ADCK5: variants seen among roughly 807,000 people sequenced by gnomAD.
The protein encoded by ADCK5 is aarF domain containing kinase 5.
Under a neutral mutation model 64.9 loss-of-function variants are expected in ADCK5, and 43 were observed. The ratio of observed to expected loss-of-function variants is 0.66; its 90% CI spans 0.52 to 0.85. ADCK5 has a LOEUF of 0.85. ADCK5 is among the 40% of genes least tolerant of loss of function. ADCK5 has a pLI of 0.00. For missense variants in ADCK5, 760 were observed against 810.5 expected (o/e 0.94, Z 0.76); for synonymous variants, 434 against 342.8 (o/e 1.27, Z -2.94).
chr8:144,375,931 C>T (rs1344063388), intron 1 of ADCK5, among the ~76,000 whole-genome samples: 2 of 152,154 alleles, frequency 1.3e-5, no homozygotes, highest in East Asian at 1.9e-4. Context: ...GTTTAGAGGT[C>T]GTGTTCTGGG....
intron 3 of ADCK5, among the ~76,000 whole-genome samples, 192 bp downstream of exon 3, chr8:144,383,422 T>C (rs1819769788): frequency 6.6e-6 from 1 of 152,130 alleles, no homozygotes; most frequent in African/African-American, 2.4e-5. Context: ...GAAGGGACAG[T>C]GAGCACTGGC....
At chr8:144,383,711 C>T (rs1819783081) in intron 3 of ADCK5, among the ~76,000 whole-genome samples, 1 of 152,158 alleles carries the variant, frequency 6.6e-6, no homozygotes, top group Non-Finnish European at 1.5e-5. Context: ...TTTCTTCCTC[C>T]ATTACCTTAC....
In ADCK5 at chr8:144,378,453, G is replaced by GCT. The variant is rs140097343; in HGVS notation, c.13-920_13-919dup. Among the ~76,000 whole-genome samples, 1,372 of 151,002 alleles carry GCT rather than the reference G, an allele frequency of 9.1e-3. 20 individuals are homozygous for GCT. The highest frequency in any genetic ancestry group is 0.032 in the African/African-American group (1,312 of 41,118). ...CACTTTCCCCTTTGCCCTCTCGCTT[G>GCT]CTCTCTCTCTCTCTCCGCCCCCCCC... On this transcript the variant is annotated intron_variant, in intron 1 of 14. Transcript: ENST00000308860.
intron 2 of ADCK5, among the ~76,000 whole-genome samples, chr8:144,381,366 G>T (rs587709717): frequency 2.0e-5 from 3 of 146,890 alleles, no homozygotes; most frequent in African/African-American, 7.6e-5. Context: ...CAGAATTATG[G>T]GCCGGGTGTA....
Position 144,393,096 on chromosome 8 carries a change from C to G in ADCK5, c.*22C>G. 6.5e-7 allele frequency: 1 copy of G among 1,527,932 alleles called. No homozygotes were observed. The allele number at this position is 1,527,932 out of a possible 1,614,324, so 94.6% of individuals were successfully genotyped here. A position where few individuals can be genotyped will look rare whatever the true frequency, so the allele number is the denominator to read the frequency against. On this transcript the variant is annotated 3_prime_UTR_variant, in exon 15 of 15. Transcript: ENST00000308860. Reference sequence around the variant, plus strand: ...CTAGGGTGCAGCCGCCCAGGGCCGGCGGGGCCCTTTTCACCTTGGGCTGAC... The same window carrying G: ...CTAGGGTGCAGCCGCCCAGGGCCGGGGGGGCCCTTTTCACCTTGGGCTGAC...
At chr8:144,390,552 C>A in intron 3 of ADCK5, 119 bp from the exon 4 acceptor site, 1 of 1,114,148 alleles carries the variant, frequency 9.0e-7, no homozygotes, top group Non-Finnish European at 1.3e-6. Flanking sequence ...CTTGGCCTCA[C>A]CCTTGGGACA....
Position 144,391,840 on chromosome 8 carries a change from A to G in ADCK5, c.988A>G (p.Arg330Gly), listed in dbSNP as rs1159606161. ...CAAGGTCAACGATGTGGAGGCCATC[A>G]GGAGCCAGGGGCTGGCAGTGCATGA... Reference protein sequence around the residue: ...GCKVNDVEAIRSQGLAVHDIA... With the variant: ...GCKVNDVEAIGSQGLAVHDIA... The change falls in exon 9 of 15, where the codon AGG (arginine) becomes GGG (glycine). Residue 330 changes from arginine to glycine, a missense_variant. By Grantham distance (125) the Arg-to-Gly change is moderately radical. Transcript: ENST00000308860. 7 of 1,300,216 alleles carry G rather than the reference A, an allele frequency of 5.4e-6. No individual in the cohort carries two copies. In the African/African-American group the frequency reaches 5.4e-5, roughly 10 times the overall value. The allele number at this position is 1,300,216 out of a possible 1,614,324, so 80.5% of individuals were successfully genotyped here. A position where few individuals can be genotyped will look rare whatever the true frequency, so the allele number is the denominator to read the frequency against.
rs111734380 is a variant in ADCK5, at chr8:144,388,356, CAAAAA to C, written c.267-2303_267-2299del. Among the ~76,000 whole-genome samples, 91 of 84,882 alleles carry C rather than the reference CAAAAA, an allele frequency of 1.1e-3. No individual in the cohort carries two copies. The South Asian group carries it at 0.015, about 14-fold the overall frequency. 55.7% of individuals were successfully genotyped at this position (84,882 alleles called of 152,430 possible). ...TGGGCGACAGAGCGAGATTCCATCTCAAAAAAAAAAAAAAAATTAAATTCCTTCTC... is the reference window on the plus strand; with the variant it reads ...TGGGCGACAGAGCGAGATTCCATCTCAAAAAAAAAAATTAAATTCCTTCTC... On this transcript the variant is annotated intron_variant, in intron 3 of 14. Transcript: ENST00000308860.
chr8:144,390,481 A>T (rs1279629103), intron 3 of ADCK5, among the ~76,000 whole-genome samples, 190 bp from the exon 4 acceptor site: 2 of 152,170 alleles, frequency 1.3e-5, no homozygotes, highest in African/African-American at 4.8e-5. Flanking sequence ...AGGACACCCC[A>T]CGAGCTCAGC....
In ADCK5 at chr8:144,392,764, G is replaced by A. The variant is rs782200902; in HGVS notation, c.1521-12G>A. The A allele has an allele frequency of 4.4e-6, 7 of 1,586,726 alleles. No homozygotes were observed. The highest frequency in any genetic ancestry group is 3.4e-5 in the South Asian group (3 of 89,528). The stretch of plus-strand genomic sequence containing the variant: ...TGTGGGGCTGACGCGGCGCTAACGC[G>A]GGTGTGTGCAGGGCTGTCCGGGGCT... On this transcript the variant is annotated splice_polypyrimidine_tract_variant and intron_variant, in intron 13 of 14. Transcript: ENST00000308860.
chr8:144,386,367 T>A (rs1418721285), intron 3 of ADCK5, among the ~76,000 whole-genome samples: 2 of 151,874 alleles, frequency 1.3e-5, no homozygotes, highest in African/African-American at 4.8e-5. Flanking sequence ...TATTTTTTTT[T>A]ATTTTTTGAG....
At chr8:144,380,182 G>A (rs559371923) in intron 2 of ADCK5, among the ~76,000 whole-genome samples, 4 of 152,324 alleles carry the variant, frequency 2.6e-5, no homozygotes, top group Admixed American at 6.5e-5. Context: ...ATTATGGGCC[G>A]GGTGTAGAAA....
chr8:144,392,307 C>G lies in ADCK5; in HGVS notation c.1229C>G (p.Ala410Gly), dbSNP rs201295286. The change falls in exon 12 of 15, where the codon GCC becomes GGC. Residue 410 changes from alanine to glycine, a missense_variant. Physicochemically the swap from Ala to Gly is moderately conservative, Grantham distance 60. This residue lies in a region of ADCK5 where 333 missense variants were observed against 292.0 expected (regional missense o/e 1.14). Coordinates refer to ENST00000308860, the MANE Select transcript of ADCK5 (RefSeq NM_174922.5). ...CGGGCCATCATCCTGCGGGACGACG[C>G]CGCCATGAGGGCGCACGCAGCCGCA... ...LWRAIILRDD[A>G]AMRAHAAALG... 2.4e-4 allele frequency: 361 copies of G among 1,492,562 alleles called. 1 individual carries two copies. The East Asian group carries it at 7.0e-3, about 29-fold the overall frequency. 92.5% of individuals were successfully genotyped at this position (1,492,562 alleles called of 1,614,324 possible). A position where few individuals can be genotyped will look rare whatever the true frequency, so the allele number is the denominator to read the frequency against.
chr8:144,390,856 A>T lies in ADCK5; in HGVS notation c.343A>T (p.Asn115Tyr). ...GTGTTCTCCCCATGCCTGTGGTCAG[A>T]ACAGCCCAGGCTACTTGGAGGTGAT... is the stretch of plus-strand genomic sequence containing the variant. Reference protein sequence around the residue: ...TNVVLRGVEENSPGYLEVMSA... With the variant: ...TNVVLRGVEEYSPGYLEVMSA... Residue 115 changes from asparagine to tyrosine, a missense_variant and splice_region_variant, in exon 5 of 15, where the codon AAC becomes TAC. Around this residue, in one of 2 missense-constraint regions of ADCK5, gnomAD observed 427 missense variants for 518.4 expected, o/e 0.82. Coordinates refer to ENST00000308860, the MANE Select transcript of ADCK5 (RefSeq NM_174922.5). 1 of 1,612,914 alleles carries T rather than the reference A, an allele frequency of 6.2e-7. No individual in the cohort carries two copies. The highest frequency in any genetic ancestry group is 8.5e-7 in the Non-Finnish European group (1 of 1,179,846).
intron 13 of ADCK5, 32 bp downstream of exon 13, chr8:144,392,729 G>A (rs781947594): frequency 1.9e-6 from 3 of 1,588,756 alleles, no homozygotes; most frequent in Non-Finnish European, 2.6e-6. Context: ...CCGGGCCGTG[G>A]TGGGGCTGGT....
rs782723994 is a variant in ADCK5 at position 144,379,423 on chromosome 8, A to C, written c.49A>C (p.Ser17Arg). ...LCHFHSALLH[S>R]RQKPWPSPAV... The stretch of plus-strand genomic sequence containing the variant: ...TCATTTCCACTCTGCTCTGCTGCAC[A>C]GCAGGCAGAAGCCCTGGCCGTCCCC... Residue 17 changes from serine (S) to arginine (R), a missense_variant, in exon 2 of 15, where the codon AGC becomes CGC. This residue lies in a region of ADCK5 where 427 missense variants were observed against 518.4 expected (regional missense o/e 0.82). Transcript: ENST00000308860. 1.6e-5 allele frequency: 25 copies of C among 1,610,698 alleles called. No individual in the cohort carries two copies. The South Asian group carries it at 2.5e-4, about 16-fold the overall frequency.
At chr8:144,373,970 G>A (rs1296793631), upstream of ADCK5, 39 of 1,112,180 alleles carry the variant, frequency 3.5e-5, no homozygotes, top group Non-Finnish European at 4.3e-5. Context: ...CTCCAGCCTC[G>A]CCCACCGCCC....
In ADCK5 at chr8:144,393,074, G is replaced by C; in HGVS notation, c.1743G>C (p.Ter581TyrextTer24). The C allele has an allele frequency of 6.4e-7, 1 of 1,567,552 alleles. No homozygotes were observed. The highest frequency in any genetic ancestry group is 8.6e-7 in the Non-Finnish European group (1 of 1,161,240). Residue 581 changes from the stop codon to tyrosine (Y), a stop_lost, in exon 15 of 15, where the codon TAG becomes TAC. Transcript: ENST00000308860. The stretch of plus-strand genomic sequence containing the variant: ...AGCTCTACCAGTACCTGGAGACCTA[G>C]GGTGCAGCCGCCCAGGGCCGGCGGG... ...AEELYQYLET[*>Y] is the part of the protein sequence containing the mutation.
At chr8:144,379,546 TG>T in intron 2 of ADCK5, 56 bp downstream of exon 2, 2 of 1,411,038 alleles carry the variant, frequency 1.4e-6, no homozygotes, top group Non-Finnish European at 1.9e-6. Context: ...GGATGGCGTC[TG>T]TGTGCATGCA....
Sources: gnomAD v4.1 joint callset for allele counts (sites outside exome capture counted in the v4.1 genomes callset) on GRCh38, gnomAD v4.1.1 for gene constraint, gnomAD v4.1.1 regional missense constraint, MANE v1.5 for transcripts, NCBI Gene and HGNC (gene_info 2026-07-23, HGNC 2026-07-21) for gene names.